Variants in RAE1 observed in about 807,000 individuals in gnomAD.
The protein encoded by RAE1 is mRNA export factor RAE1.
RAE1 carries 13 observed loss-of-function variants against 52.7 expected under a neutral mutation model. That is an observed-to-expected ratio of 0.25 (90% confidence interval 0.16 to 0.39). RAE1 has a LOEUF of 0.39. Ranked by LOEUF, RAE1 falls within the 10% of genes least tolerant of loss-of-function variation. RAE1 has a pLI of 1.00. For missense variants in RAE1, 262 were observed against 459.8 expected (o/e 0.57, Z 3.93); for synonymous variants, 164 against 153.1 (o/e 1.07, Z -0.52).
chr20:57,362,136 A>G (rs749421002), intron 4 of RAE1, among the ~76,000 whole-genome samples: 2 of 152,238 alleles, frequency 1.3e-5, no homozygotes, highest in African/African-American at 2.4e-5. Context: ...ATTGTCTTCC[A>G]TGAAACTGGT....
At chr20:57,373,908 G>A (rs1412891733) in intron 10 of RAE1, among the ~76,000 whole-genome samples, 170 bp downstream of exon 10, 4 of 152,146 alleles carry the variant, frequency 2.6e-5, no homozygotes, top group African/African-American at 9.7e-5. Context: ...TTTTGTTGTT[G>A]TTTTTGAGAC....
chr20:57,376,754 A>T (rs2146184433), intron 11 of RAE1, among the ~76,000 whole-genome samples: 1 of 152,316 alleles, frequency 6.6e-6, no homozygotes, highest in East Asian at 1.9e-4. Context: ...CTCTTCATTG[A>T]ATCTCCTCTT....
At chr20:57,354,870 G>A in intron 3 of RAE1, 54 bp downstream of exon 3, 3 of 1,367,786 alleles carry the variant, frequency 2.2e-6, no homozygotes, top group East Asian at 2.5e-5. Flanking sequence ...GTATGGCCAA[G>A]GTTAGCTTTA....
chr20:57,355,969 A>G (rs2066779213), intron 3 of RAE1, among the ~76,000 whole-genome samples: 1 of 152,276 alleles, frequency 6.6e-6, no homozygotes, highest in African/African-American at 2.4e-5. Flanking sequence ...AAATATGCGT[A>G]CATGGAAAGA....
At chr20:57,365,052 G>T (rs1359730511) in intron 4 of RAE1, among the ~76,000 whole-genome samples, 1 of 152,160 alleles carries the variant, frequency 6.6e-6, no homozygotes, top group Non-Finnish European at 1.5e-5. Context: ...GTGGTCCATG[G>T]TTGCTGCTGA....
At chr20:57,362,374 A>G (rs1043122382) in intron 4 of RAE1, among the ~76,000 whole-genome samples, 1 of 152,232 alleles carries the variant, frequency 6.6e-6, no homozygotes, top group Admixed American at 6.5e-5. Flanking sequence ...TAGATATATG[A>G]AAAGTTTGAA....
At chr20:57,359,426 A>G (rs191620751) in intron 4 of RAE1, 378 of 157,838 alleles carry the variant, frequency 2.4e-3, no homozygotes, top group Non-Finnish European at 3.7e-3. Flanking sequence ...TTAGGAGTTC[A>G]GTAGACTGGT....
chr20:57,378,057 G>A lies in RAE1; in HGVS notation c.1065G>A (p.Leu355=). Residue 355 remains leucine, a synonymous_variant, in exon 12 of 12, where the codon CTG becomes CTA. Transcript: ENST00000395841. Reference sequence around the variant, plus strand: ...CCCAGAAAAAAAATTACATTTTCCTGCGTAATGCAGCCGAAGAGCTAAAGC... The same window carrying A: ...CCCAGAAAAAAAATTACATTTTCCTACGTAATGCAGCCGAAGAGCTAAAGC... ...YNPQKKNYIF[L]RNAAEELKPR... 1 of 1,613,074 alleles carries A rather than the reference G, an allele frequency of 6.2e-7. No individual in the cohort carries two copies. Among genetic ancestry groups the A allele is most frequent in the South Asian group, 1.1e-5 (1 of 91,008 alleles).
At chr20:57,373,762 G>A (rs778130528) in intron 10 of RAE1, 24 bp downstream of exon 10, 35 of 1,601,138 alleles carry the variant, frequency 2.2e-5, no homozygotes, top group Admixed American at 5.0e-5. Flanking sequence ...CACTTTAACC[G>A]TGGTAATACA....
At chr20:57,358,946 G>C (rs1312231936) in intron 4 of RAE1, 3 of 1,433,706 alleles carry the variant, frequency 2.1e-6, no homozygotes, top group Non-Finnish European at 2.7e-6. Flanking sequence ...GCTCCATAAG[G>C]TTTTCTCGTC....
intron 4 of RAE1, among the ~76,000 whole-genome samples, chr20:57,360,357 A>G (rs1194004899): frequency 1.3e-5 from 2 of 152,124 alleles, no homozygotes; most frequent in Non-Finnish European, 2.9e-5. Context: ...TTATGTGTAT[A>G]CTTGTGCTTA....
chr20:57,358,682 C>A (rs2066837571), intron 4 of RAE1: 1 of 254,124 alleles, frequency 3.9e-6, no homozygotes, highest in African/African-American at 2.2e-5. Flanking sequence ...ATGTCCTGAT[C>A]CAACATCGAG....
chr20:57,378,046 T>C lies in RAE1; in HGVS notation c.1054T>C (p.Tyr352His). The C allele has an allele frequency of 6.2e-7, 1 of 1,612,872 alleles. No individual in the cohort carries two copies. Among genetic ancestry groups the C allele is most frequent in the Non-Finnish European group, 8.5e-7 (1 of 1,178,958 alleles). The change falls in exon 12 of 12, where the codon TAC becomes CAC. Residue 352 changes from tyrosine to histidine, a missense_variant. Transcript: ENST00000395841. ...HEFYNPQKKN[Y>H]IFLRNAAEEL... The stretch of plus-strand genomic sequence containing the variant: ...ATTTTATAATCCCCAGAAAAAAAAT[T>C]ACATTTTCCTGCGTAATGCAGCCGA...
At chr20:57,354,164 GT>G in intron 2 of RAE1, 36 bp downstream of exon 2, 1 of 1,580,342 alleles carries the variant, frequency 6.3e-7, no homozygotes, top group South Asian at 1.1e-5. Flanking sequence ...TGTAGGAAGA[GT>G]TTGGGCAGAG....
chr20:57,353,271 T>G (rs1378457207), intron 1 of RAE1, among the ~76,000 whole-genome samples: 1 of 152,214 alleles, frequency 6.6e-6, no homozygotes, highest in African/African-American at 2.4e-5. Flanking sequence ...CATAATCTGA[T>G]TTGATCCCCA....
At chr20:57,364,627 G>A (rs2066930333) in intron 4 of RAE1, among the ~76,000 whole-genome samples, 1 of 152,164 alleles carries the variant, frequency 6.6e-6, no homozygotes, top group Non-Finnish European at 1.5e-5. Context: ...CTGACCCATT[G>A]TCTATTTTTG....
In RAE1 at chr20:57,373,317, AAGG is replaced by A; in HGVS notation, c.643-155_643-153del. On this transcript the variant is annotated intron_variant, in intron 8 of 11. Coordinates refer to ENST00000395841, the MANE Select transcript of RAE1 (RefSeq NM_003610.4). ...AACTCACTGCTTAGATGGAGTTACT[AAGG>A]AGTTAGAAAGCAATGCTTACTGCTG... is the stretch of plus-strand genomic sequence containing the variant. 4.6e-6 allele frequency: 3 copies of A among 657,882 alleles called. No homozygotes were observed. In the South Asian group the frequency reaches 5.8e-5, roughly 13 times the overall value. The allele number at this position is 657,882 out of a possible 1,614,324, so 40.8% of individuals were successfully genotyped here.
At chr20:57,368,910 A>G in intron 8 of RAE1, 98 bp downstream of exon 8, 1 of 977,322 alleles carries the variant, frequency 1.0e-6, no homozygotes, top group Non-Finnish European at 1.6e-6. Context: ...TAAAACCTGT[A>G]AGTATGTTCA....
intron 4 of RAE1, chr20:57,359,217 A>T (rs184338486): frequency 2.7e-4 from 108 of 405,420 alleles, no homozygotes; most frequent in African/African-American, 1.9e-3. Context: ...ATTTTTTTGT[A>T]ATGTTTCCTT....
Sources: allele counts gnomAD v4.1 joint callset (sites outside exome capture counted in the v4.1 genomes callset), GRCh38; gene constraint gnomAD v4.1.1; transcripts MANE v1.5; gene names NCBI Gene and HGNC (gene_info 2026-07-23, HGNC 2026-07-21).